Variants in NUFIP2 observed in about 807,000 individuals in gnomAD.
NUFIP2 encodes nuclear FMR1 interacting protein 2, also known as FMR1-interacting protein NUFIP2.
In NUFIP2, 6 loss-of-function variants were observed where a neutral mutation model predicts 56.9. The observed-to-expected ratio is 0.11, with a 90% CI of 0.06 to 0.21. The LOEUF (loss-of-function observed/expected upper bound fraction) is 0.21. Ranked by LOEUF, NUFIP2 falls within the 10% of genes least tolerant of loss-of-function variation. NUFIP2 has a pLI of 1.00. For missense variants in NUFIP2, 828 were observed against 826.8 expected (o/e 1.00, Z -0.02); for synonymous variants, 321 against 298.2 (o/e 1.08, Z -0.79).
intron 2 of NUFIP2, among the ~76,000 whole-genome samples, chr17:29,282,327 C>T (rs1330093791): frequency 1.3e-5 from 2 of 151,656 alleles, no homozygotes; most frequent in African/African-American, 2.4e-5. Context: ...GAGGCCAAGG[C>T]AGGTGGCTCA....
At chr17:29,268,662 C>T (rs1234426148) in intron 2 of NUFIP2, among the ~76,000 whole-genome samples, 5 of 152,084 alleles carry the variant, frequency 3.3e-5, no homozygotes, top group Admixed American at 3.3e-4. Flanking sequence ...GGATTACAGG[C>T]ATGCGCCACC....
intron 3 of NUFIP2, 150 bp downstream of exon 3, chr17:29,267,348 C>T (rs191364587): frequency 7.6e-5 from 41 of 537,408 alleles, no homozygotes; most frequent in African/African-American, 6.8e-4. Context: ...GCCACCCTGC[C>T]CAGCTGCTAG....
At chr17:29,269,881 T>G (rs1236567696) in intron 2 of NUFIP2, among the ~76,000 whole-genome samples, 1 of 152,020 alleles carries the variant, frequency 6.6e-6, no homozygotes, top group Admixed American at 6.6e-5. Flanking sequence ...CCACCACGCC[T>G]GGCTAATTTT....
In NUFIP2 at chr17:29,287,583, C is replaced by A; in HGVS notation, c.411G>T (p.Gln137His). Reference sequence around the variant, plus strand: ...TCCCAAAGGTGTTGGCCTTTACAGTCTGCTTCAGGCTAGTGTCTACAACTT... The same window carrying A: ...TCCCAAAGGTGTTGGCCTTTACAGTATGCTTCAGGCTAGTGTCTACAACTT... ...NQQVVDTSLK[Q>H]TVKANTFGKA... The change falls in exon 2 of 4, where the codon CAG becomes CAT. Residue 137 changes from glutamine (Q) to histidine (H), a missense_variant. Coordinates refer to ENST00000225388, the MANE Select transcript of NUFIP2 (RefSeq NM_020772.3). 1 of 1,614,112 alleles carries A rather than the reference C, an allele frequency of 6.2e-7. No homozygotes were observed. The highest frequency in any genetic ancestry group is 8.5e-7 in the Non-Finnish European group (1 of 1,180,042).
In NUFIP2 at chr17:29,280,548, T is replaced by C. The variant is rs574294218; in HGVS notation, c.2002+5444A>G. 9.9e-5 allele frequency among the ~76,000 whole-genome samples: 15 copies of C among 151,026 alleles called. No homozygotes were observed. The South Asian group carries it at 3.1e-3, about 32-fold the overall frequency. The stretch of plus-strand genomic sequence containing the variant: ...TCCAGACCAGCCCAGACAACATGGG[T>C]GGTAGCGCAAACCTATGGTCCCAGC... On this transcript the variant is annotated intron_variant, in intron 2 of 3. Transcript: ENST00000225388.
chr17:29,269,658 A>C (rs1013403170), intron 2 of NUFIP2, among the ~76,000 whole-genome samples: 1 of 151,882 alleles, frequency 6.6e-6, no homozygotes, highest in African/African-American at 2.4e-5. Flanking sequence ...GACACATGCC[A>C]TTTGTAGAGA....
chr17:29,282,185 CT>C (rs2069144317), intron 2 of NUFIP2, among the ~76,000 whole-genome samples: 1 of 152,024 alleles, frequency 6.6e-6, no homozygotes, highest in Non-Finnish European at 1.5e-5. Flanking sequence ...TAAAAACTTC[CT>C]GTATTAAAAA....
chr17:29,290,948 G>A lies in NUFIP2; in HGVS notation c.277+2835C>T, dbSNP rs192931459. Among the ~76,000 whole-genome samples, 820 of 149,254 alleles carry A rather than the reference G, an allele frequency of 5.5e-3. 14 individuals are homozygous for A. The highest frequency in any genetic ancestry group is 0.019 in the African/African-American group (775 of 40,660). On this transcript the variant is annotated intron_variant, in intron 1 of 3. Coordinates refer to ENST00000225388, the MANE Select transcript of NUFIP2 (RefSeq NM_020772.3). Reference sequence around the variant, plus strand: ...AGAATAATTCTTCCTAAGATTACTAGTATGTAGCGACTCAGATACTGGAAA... The same window carrying A: ...AGAATAATTCTTCCTAAGATTACTAATATGTAGCGACTCAGATACTGGAAA...
At chr17:29,291,051 AAAG>A (rs1490808133) in intron 1 of NUFIP2, among the ~76,000 whole-genome samples, 29 of 150,084 alleles carry the variant, frequency 1.9e-4, no homozygotes, top group Admixed American at 1.4e-3. Context: ...AAAAAAAAAA[AAAG>A]AAAAGAAAAT....
chr17:29,279,290 T>C (rs2153011856), intron 2 of NUFIP2, among the ~76,000 whole-genome samples: 1 of 152,344 alleles, frequency 6.6e-6, no homozygotes, highest in South Asian at 2.1e-4. Context: ...TCCCAAATCT[T>C]GTTATGTAAT....
Position 29,264,603 on chromosome 17 carries a change from A to G in NUFIP2, c.2036-12T>C. The G allele has an allele frequency of 6.6e-7, 1 of 1,522,590 alleles. No homozygotes were observed. Among genetic ancestry groups the G allele is most frequent in the Non-Finnish European group, 9.1e-7 (1 of 1,098,244 alleles). 94.3% of individuals were successfully genotyped at this position (1,522,590 alleles called of 1,614,324 possible). A position where few individuals can be genotyped will look rare whatever the true frequency, so the allele number is the denominator to read the frequency against. On this transcript the variant is annotated splice_polypyrimidine_tract_variant and intron_variant, in intron 3 of 3. Coordinates refer to ENST00000225388, the MANE Select transcript of NUFIP2 (RefSeq NM_020772.3). ...TATCCTTTTGGGATCTAGAAAGGTT[A>G]AAAAAATAAATAAAAATAAGGTCTA... is the stretch of plus-strand genomic sequence containing the variant.
chr17:29,272,005 A>C (rs966716519), intron 2 of NUFIP2, among the ~76,000 whole-genome samples: 3 of 136,648 alleles, frequency 2.2e-5, no homozygotes, highest in Non-Finnish European at 3.1e-5. Context: ...CCCGGGAGGC[A>C]GAGATTGCAG....
At chr17:29,279,866 T>C (rs987313819) in intron 2 of NUFIP2, among the ~76,000 whole-genome samples, 5 of 152,164 alleles carry the variant, frequency 3.3e-5, no homozygotes, top group South Asian at 2.1e-4. Flanking sequence ...CTAGGCTGGA[T>C]AGAGTGCAGT....
chr17:29,292,279 G>C (rs1205991375), intron 1 of NUFIP2, among the ~76,000 whole-genome samples: 1 of 151,998 alleles, frequency 6.6e-6, no homozygotes, highest in East Asian at 1.9e-4. Context: ...TTAAGGACAA[G>C]AAAGAGGGGT....
rs1318634894 is a variant in NUFIP2, at chr17:29,294,107, T to C, written c.-48A>G. On this transcript the variant is annotated 5_prime_UTR_variant, in exon 1 of 4. Transcript: ENST00000225388. Reference sequence around the variant, plus strand: ...GCTGAGGCTGCGGGCTGCTGCACCGTCAGGATCTGAGACTGCTTCTCAGGG... The same window carrying C: ...GCTGAGGCTGCGGGCTGCTGCACCGCCAGGATCTGAGACTGCTTCTCAGGG... 3.9e-6 allele frequency: 6 copies of C among 1,552,518 alleles called. No individual in the cohort carries two copies. The highest frequency in any genetic ancestry group is 5.2e-6 in the Non-Finnish European group (6 of 1,148,842).
chr17:29,289,224 T>C (rs554555856), intron 1 of NUFIP2, among the ~76,000 whole-genome samples: 1 of 152,346 alleles, frequency 6.6e-6, no homozygotes, highest in African/African-American at 2.4e-5. Flanking sequence ...TTTTCCACTG[T>C]AACAAAATGG....
In NUFIP2 at chr17:29,259,353, G is replaced by C. The variant is rs560896144; in HGVS notation, c.*5186C>G. 10 of 152,228 alleles carry C rather than the reference G, an allele frequency of 6.6e-5. No homozygotes were observed. The highest frequency in any genetic ancestry group is 2.4e-4 in the African/African-American group (10 of 41,512). 9.4% of individuals were successfully genotyped at this position (152,228 alleles called of 1,614,324 possible). A position where few individuals can be genotyped will look rare whatever the true frequency, so the allele number is the denominator to read the frequency against. On this transcript the variant is annotated 3_prime_UTR_variant, in exon 4 of 4. Coordinates refer to ENST00000225388, the MANE Select transcript of NUFIP2 (RefSeq NM_020772.3). Reference sequence around the variant, plus strand: ...TTCCAGCACTTTGGGAGGCTGAGGCGGGCAGATTGCCTGAGGTCAGGAGTT... The same window carrying C: ...TTCCAGCACTTTGGGAGGCTGAGGCCGGCAGATTGCCTGAGGTCAGGAGTT...
At chr17:29,291,705 C>T (rs2069214630) in intron 1 of NUFIP2, among the ~76,000 whole-genome samples, 1 of 152,252 alleles carries the variant, frequency 6.6e-6, no homozygotes, top group Non-Finnish European at 1.5e-5. Flanking sequence ...TTGCCTTATG[C>T]AGCCATAATA....
intron 2 of NUFIP2, among the ~76,000 whole-genome samples, chr17:29,271,556 TAAAG>T (rs1555548022): frequency 4.7e-5 from 7 of 150,288 alleles, no homozygotes; most frequent in African/African-American, 4.9e-5. Context: ...AAAAGAAAAG[TAAAG>T]AAAGAAATCA....
Sources: allele counts gnomAD v4.1 joint callset (sites outside exome capture counted in the v4.1 genomes callset), GRCh38; gene constraint gnomAD v4.1.1; transcripts MANE v1.5; gene names NCBI Gene and HGNC (gene_info 2026-07-23, HGNC 2026-07-21).